Variants in LRRC56 observed in about 807,000 individuals in gnomAD.
LRRC56 encodes leucine rich repeat containing 56.
Under a neutral mutation model 47.8 loss-of-function variants are expected in LRRC56, and 41 were observed. That is an observed-to-expected ratio of 0.86 (90% CI 0.67 to 1.11). The LOEUF is 1.11. LRRC56 is among the 50% of genes most tolerant of loss of function. LRRC56 has a pLI of 0.00. For missense variants in LRRC56, 759 were observed against 704.2 expected (o/e 1.08, Z -0.88); for synonymous variants, 387 against 311.2 (o/e 1.24, Z -2.56).
upstream of LRRC56, among the ~76,000 whole-genome samples, chr11:535,742 C>A (rs1468310693): frequency 6.6e-6 from 1 of 152,120 alleles, no homozygotes; most frequent in African/African-American, 2.4e-5. Context: ...AGTAGGGCCG[C>A]GGCCTCTCGG....
At chr11:537,048 C>CG (rs1564793942), upstream of LRRC56, 1 of 152,268 alleles carries the variant, frequency 6.6e-6, no homozygotes, top group Admixed American at 6.5e-5. Flanking sequence ...TCCTGGTCCT[C>CG]GGGGGCGCTT....
the LRRC56 span, among the ~76,000 whole-genome samples, chr11:512,435 G>A: frequency 1.4e-4 from 22 of 151,942 alleles, no homozygotes; most frequent in Admixed American, 4.6e-4. Flanking sequence ...AGGTTTCACC[G>A]TGGTGGCCAG....
chr11:551,059 AG>A, intron 8 of LRRC56, 71 bp from the exon 9 acceptor site: 1 of 904,714 alleles, frequency 1.1e-6, no homozygotes. Flanking sequence ...AAAGGGAGCC[AG>A]GGAAAGAGCT....
the LRRC56 span, among the ~76,000 whole-genome samples, chr11:507,494 C>CGCGTGT: frequency 1.3e-5 from 2 of 152,018 alleles, no homozygotes; most frequent in South Asian, 2.1e-4. Flanking sequence ...CGGGCGCGGG[C>CGCGTGT]GCGTGTGCGT....
At chr11:512,523 C>T in the LRRC56 span, among the ~76,000 whole-genome samples, 1 of 152,266 alleles carries the variant, frequency 6.6e-6, no homozygotes, top group Admixed American at 6.5e-5. Context: ...TGAGCCACCG[C>T]GCCTGGCAAG....
chr11:535,318 C>T (rs1489282748), upstream of LRRC56: 45 of 146,154 alleles, frequency 3.1e-4, no homozygotes, highest in East Asian at 6.4e-3. Flanking sequence ...CCGCCGCTTA[C>T]GCCCGCCGGC....
At chr11:542,471 G>A (rs1206162633) in intron 5 of LRRC56, among the ~76,000 whole-genome samples, 1 of 150,292 alleles carries the variant, frequency 6.7e-6, no homozygotes, top group East Asian at 2.0e-4. Context: ...AGACAGGCAT[G>A]ATGGCACCTG....
In LRRC56 at chr11:544,739, G is replaced by T. The variant is rs766578065; in HGVS notation, c.285G>T (p.Leu95=). The T allele has an allele frequency of 1.2e-6, 2 of 1,612,472 alleles. No homozygotes were observed. Among genetic ancestry groups the T allele is most frequent in the African/African-American group, 1.3e-5 (1 of 74,848 alleles). Residue 95 remains leucine (L), a synonymous_variant, in exon 6 of 14, where the codon CTG becomes CTT. Transcript: ENST00000270115. ...LGNFGVHLPN[L]DQLKLNGSHL... The stretch of plus-strand genomic sequence containing the variant: ...ATACAGGGGTGCACCTGCCCAACCT[G>T]GACCAACTGAAGCTGAACGGCAGCC...
At chr11:534,407 AGG>A, upstream of LRRC56, 3 of 709,990 alleles carry the variant, frequency 4.2e-6, no homozygotes, top group Non-Finnish European at 6.2e-6. Context: ...AGCCAGGCCC[AGG>A]CCCAGCCCCA....
At chr11:534,821 G>C (rs912094780), upstream of LRRC56, among the ~76,000 whole-genome samples, 1 of 152,198 alleles carries the variant, frequency 6.6e-6, no homozygotes, top group Non-Finnish European at 1.5e-5. Context: ...AGTATTTGCT[G>C]AGCGCCTACT....
At chr11:534,731 GGCCACGGCGGAGCGC>G (rs1241984691), upstream of LRRC56, 2 of 252,676 alleles carry the variant, frequency 7.9e-6, no homozygotes, top group Admixed American at 1.0e-4. Flanking sequence ...GAACAGGTCT[GGCCACGGCGGAGCGC>G]GCCACGGCGT....
upstream of LRRC56, among the ~76,000 whole-genome samples, chr11:534,824 C>T (rs1389785454): frequency 6.6e-6 from 1 of 152,206 alleles, no homozygotes; most frequent in Non-Finnish European, 1.5e-5. Context: ...ATTTGCTGAG[C>T]GCCTACTGCG....
intron 5 of LRRC56, among the ~76,000 whole-genome samples, chr11:543,324 C>T (rs1851898884): frequency 6.6e-6 from 1 of 151,930 alleles, no homozygotes; most frequent in Non-Finnish European, 1.5e-5. Flanking sequence ...AAGCAATTCT[C>T]CTGCCTCAGC....
the LRRC56 span, among the ~76,000 whole-genome samples, chr11:515,706 C>T: frequency 2.8e-4 from 42 of 152,026 alleles, no homozygotes; most frequent in African/African-American, 9.4e-4. Context: ...GGTGTGGTGG[C>T]GGGCACCTGT....
the LRRC56 span, among the ~76,000 whole-genome samples, chr11:509,978 C>T: frequency 2.9e-5 from 4 of 139,954 alleles, no homozygotes; most frequent in Non-Finnish European, 6.2e-5. Context: ...CAGAGCTGAC[C>T]ATTCTCGCTC....
At chr11:508,281 T>G in the LRRC56 span, among the ~76,000 whole-genome samples, 1 of 152,196 alleles carries the variant, frequency 6.6e-6, no homozygotes, top group African/African-American at 2.4e-5. Context: ...TCCTCCCGCC[T>G]CAGCCTCCCA....
chr11:549,833 A>G, intron 6 of LRRC56, 69 bp from the exon 7 acceptor site: 2 of 1,400,970 alleles, frequency 1.4e-6, no homozygotes, highest in Non-Finnish European at 2.0e-6. Context: ...CCCTGAAGAC[A>G]GCCAAAGGCA....
At chr11:532,601 C>T (rs753270499), upstream of LRRC56, 57 of 1,598,476 alleles carry the variant, frequency 3.6e-5, no homozygotes, top group Middle Eastern at 3.4e-4. Flanking sequence ...ATCCGGTGGG[C>T]GTGGCGGCCG....
intron 13 of LRRC56, among the ~76,000 whole-genome samples, chr11:552,941 G>A (rs961892478): frequency 2.6e-5 from 4 of 152,188 alleles, no homozygotes; most frequent in South Asian, 2.1e-4. Flanking sequence ...TGTGCCACCC[G>A]GGCTGGACGA....
Sources: allele counts gnomAD v4.1 joint callset (sites outside exome capture counted in the v4.1 genomes callset), GRCh38; gene constraint gnomAD v4.1.1; transcripts MANE v1.5; gene names NCBI Gene and HGNC (gene_info 2026-07-23, HGNC 2026-07-21).